Variants in SMC1B observed in about 807,000 individuals in gnomAD.
SMC1B encodes structural maintenance of chromosomes 1B, also known as structural maintenance of chromosomes protein 1B.
In SMC1B, 60 loss-of-function variants were observed where a neutral mutation model predicts 157.9. The ratio of observed to expected loss-of-function variants is 0.38; its 90% confidence interval spans 0.31 to 0.47. The LOEUF (loss-of-function observed/expected upper bound fraction) is 0.47, where lower values mean the gene tolerates loss of function less well. SMC1B is among the 20% of genes least tolerant of loss of function. The pLI, the probability that SMC1B is intolerant of heterozygous loss-of-function variation, is 0.99. For missense variants in SMC1B, 1,165 were observed against 1,426.2 expected (o/e 0.82, Z 2.95); for synonymous variants, 445 against 483.0 (o/e 0.92, Z 1.03).
At chr22:45,350,216 C>T (rs9614649) in intron 22 of SMC1B, among the ~76,000 whole-genome samples, 3 of 151,312 alleles carry the variant, frequency 2.0e-5, no homozygotes, top group East Asian at 1.9e-4. Context: ...TGATGGCTCC[C>T]GCCCTCTTAC....
At chr22:45,385,004 A>T (rs1236285687) in intron 11 of SMC1B, among the ~76,000 whole-genome samples, 1 of 152,178 alleles carries the variant, frequency 6.6e-6, no homozygotes, top group Admixed American at 6.5e-5. Context: ...CCATATTAAA[A>T]GGGCACAGTA....
chr22:45,392,977 A>G (rs1289191767), intron 9 of SMC1B, among the ~76,000 whole-genome samples: 1 of 152,182 alleles, frequency 6.6e-6, no homozygotes, highest in Non-Finnish European at 1.5e-5. Context: ...CTAGGATTAT[A>G]GACGTGAGAC....
intron 20 of SMC1B, 96 bp from the exon 21 acceptor site, chr22:45,354,228 G>T: frequency 9.8e-7 from 1 of 1,019,042 alleles, no homozygotes; most frequent in Non-Finnish European, 1.4e-6. Context: ...TTGGATTTGA[G>T]TTTGGATCTC....
chr22:45,355,767 ACAAT>A (rs1165377385), intron 19 of SMC1B, among the ~76,000 whole-genome samples: 1 of 152,132 alleles, frequency 6.6e-6, no homozygotes, highest in African/African-American at 2.4e-5. Flanking sequence ...TGCCACAAAT[ACAAT>A]CAGAGTACAA....
chr22:45,351,049 T>C (rs1569172931), intron 22 of SMC1B, among the ~76,000 whole-genome samples: 1 of 152,298 alleles, frequency 6.6e-6, no homozygotes, highest in Middle Eastern at 3.4e-3. Context: ...CCTTCAAATC[T>C]TTGCTCAAAT....
intron 15 of SMC1B, among the ~76,000 whole-genome samples, chr22:45,364,550 T>G (rs1484203435): frequency 6.6e-6 from 1 of 152,162 alleles, no homozygotes; most frequent in African/African-American, 2.4e-5. Flanking sequence ...TGCCCAAGGC[T>G]ACCCACTTAG....
chr22:45,396,025 C>CAAAA (rs772558972), intron 7 of SMC1B, among the ~76,000 whole-genome samples: 13 of 152,046 alleles, frequency 8.6e-5, no homozygotes, highest in Non-Finnish European at 1.6e-4. Flanking sequence ...TGTACAAAGG[C>CAAAA]AAAAATGTCC....
At chr22:45,375,503 C>T (rs950674065) in intron 12 of SMC1B, among the ~76,000 whole-genome samples, 1 of 152,188 alleles carries the variant, frequency 6.6e-6, no homozygotes, top group African/African-American at 2.4e-5. Flanking sequence ...TCCAAGACTA[C>T]ATTGAATAGT....
At chr22:45,365,126 C>T (rs1279417058) in intron 15 of SMC1B, among the ~76,000 whole-genome samples, 1 of 152,062 alleles carries the variant, frequency 6.6e-6, no homozygotes, top group Non-Finnish European at 1.5e-5. Context: ...CATGAGCCAC[C>T]GCACCCGGCC....
At chr22:45,413,096 G>A (rs72619569) in intron 1 of SMC1B, among the ~76,000 whole-genome samples, 12,481 of 152,084 alleles carry the variant, frequency 0.082, 599 homozygotes, top group South Asian at 0.19. Context: ...TGAAGGGCGA[G>A]GGCCGGAGCT....
Position 45,406,737 on chromosome 22 carries a change from T to A in SMC1B, c.411+16A>T. ...TTTCAAAACTCTGAATCAAATAAAC[T>A]ACTATAGCTACTTACCTGAAAAACC... On this transcript the variant is annotated intron_variant, in intron 3 of 24. Coordinates refer to ENST00000357450, the MANE Select transcript of SMC1B (RefSeq NM_148674.5). 6.3e-7 allele frequency: 1 copy of A among 1,581,316 alleles called. No homozygotes were observed.
chr22:45,351,077 AC>A (rs2086610958), intron 22 of SMC1B, among the ~76,000 whole-genome samples: 2 of 152,004 alleles, frequency 1.3e-5, no homozygotes, highest in African/African-American at 4.8e-5. Flanking sequence ...TCTCAAATAG[AC>A]CTTCCCAGAT....
At chr22:45,368,236 C>G (rs1245682317) in intron 15 of SMC1B, among the ~76,000 whole-genome samples, 1 of 151,856 alleles carries the variant, frequency 6.6e-6, no homozygotes. Context: ...TTTCATCATC[C>G]TTAGAGTTGA....
chr22:45,403,935 G>T lies in SMC1B; in HGVS notation c.616-1364C>A, dbSNP rs946080012. ...AAAGTTTCATCAGAGGGTGTTTTTTGTTTGTTTGTTTGTTTGTTTGTTTTG... is the reference window on the plus strand; with the variant it reads ...AAAGTTTCATCAGAGGGTGTTTTTTTTTTGTTTGTTTGTTTGTTTGTTTTG... On this transcript the variant is annotated intron_variant, in intron 4 of 24. Transcript: ENST00000357450. Among the ~76,000 whole-genome samples, 4 of 149,604 alleles carry T rather than the reference G, an allele frequency of 2.7e-5. No individual in the cohort carries two copies. In the South Asian group the frequency reaches 8.3e-4, roughly 31 times the overall value.
chr22:45,407,488 G>T (rs911370351), intron 2 of SMC1B, among the ~76,000 whole-genome samples: 3 of 151,672 alleles, frequency 2.0e-5, no homozygotes, highest in African/African-American at 7.3e-5. Context: ...CTGAGACAGG[G>T]TCTTGCTCTG....
chr22:45,362,020 C>G, intron 16 of SMC1B, 36 bp from the exon 17 acceptor site: 1 of 1,586,668 alleles, frequency 6.3e-7, no homozygotes, highest in Non-Finnish European at 8.6e-7. Context: ...GATTTACTAT[C>G]TTTTATATTA....
chr22:45,406,193 C>G (rs1285167172), intron 4 of SMC1B, among the ~76,000 whole-genome samples: 1 of 152,100 alleles, frequency 6.6e-6, no homozygotes, highest in Non-Finnish European at 1.5e-5. Context: ...ATCTGAGAGC[C>G]TTTGCCACAT....
intron 23 of SMC1B, among the ~76,000 whole-genome samples, chr22:45,346,444 C>T (rs2086552974): frequency 6.6e-6 from 1 of 152,000 alleles, no homozygotes; most frequent in African/African-American, 2.4e-5. Flanking sequence ...GGTGATAAAC[C>T]CCAAGAAGAG....
chr22:45,377,325 G>A (rs947421593), intron 12 of SMC1B, among the ~76,000 whole-genome samples: 5 of 151,882 alleles, frequency 3.3e-5, no homozygotes, highest in Admixed American at 1.3e-4. Flanking sequence ...TGTTTTCTAC[G>A]AAATTAATGT....
Sources: gnomAD v4.1 joint callset for allele counts (sites outside exome capture counted in the v4.1 genomes callset) on GRCh38, gnomAD v4.1.1 for gene constraint, MANE v1.5 for transcripts, NCBI Gene and HGNC (gene_info 2026-07-23, HGNC 2026-07-21) for gene names.